Variants in SYNPR observed in about 807,000 individuals in gnomAD.
SYNPR encodes the protein synaptoporin.
In SYNPR, 23 loss-of-function variants were observed where a neutral mutation model predicts 32.9. The ratio of observed to expected loss-of-function variants is 0.70; its 90% CI spans 0.50 to 0.99. The LOEUF is 0.99. Among genes scored for constraint, SYNPR ranks in the 50% least tolerant of loss-of-function variants. The pLI is 0.00. For synonymous variants in SYNPR, 146 were observed against 135.9 expected (o/e 1.07, Z -0.52); for missense variants, 318 against 349.3 (o/e 0.91, Z 0.71).
chr3:63,360,507 T>C (rs898429869), intron 2 of SYNPR, among the ~76,000 whole-genome samples: 3 of 152,242 alleles, frequency 2.0e-5, no homozygotes, highest in Admixed American at 2.0e-4. Context: ...AATGACTTTC[T>C]ATTACGTTAA....
intron 2 of SYNPR, among the ~76,000 whole-genome samples, chr3:63,360,474 T>C (rs1236206439): frequency 6.6e-6 from 1 of 152,352 alleles, no homozygotes; most frequent in East Asian, 1.9e-4. Flanking sequence ...AATTAAAGCA[T>C]GTCTAGCCTT....
At chr3:63,434,601 A>C (rs1042621941) in intron 2 of SYNPR, among the ~76,000 whole-genome samples, 9 of 152,242 alleles carry the variant, frequency 5.9e-5, no homozygotes, top group Non-Finnish European at 1.0e-4. Context: ...TTATTACAGT[A>C]CTAACAAGAT....
chr3:63,293,822 C>G (rs1222306896), intron 2 of SYNPR, among the ~76,000 whole-genome samples: 1 of 151,858 alleles, frequency 6.6e-6, no homozygotes, highest in Non-Finnish European at 1.5e-5. Context: ...TTCCCTTTTT[C>G]TATGACGCCA....
chr3:63,458,829 C>T (rs892277406), intron 2 of SYNPR, among the ~76,000 whole-genome samples: 1 of 152,060 alleles, frequency 6.6e-6, no homozygotes, highest in Admixed American at 6.6e-5. Context: ...CAAAACAGGC[C>T]TAACTATTGT....
At chr3:63,236,180 G>T (rs1448095291) in intron 1 of SYNPR, among the ~76,000 whole-genome samples, 5 of 151,378 alleles carry the variant, frequency 3.3e-5, no homozygotes, top group African/African-American at 9.7e-5. Flanking sequence ...AAAATTTGTT[G>T]GGTCTTTTGT....
intron 2 of SYNPR, among the ~76,000 whole-genome samples, chr3:63,302,033 C>T (rs561454230): frequency 1.3e-5 from 2 of 152,132 alleles, no homozygotes; most frequent in East Asian, 1.9e-4. Context: ...AATAAATGGA[C>T]GTATGAATAA....
intron 2 of SYNPR, among the ~76,000 whole-genome samples, chr3:63,393,288 G>C (rs1318659161): frequency 6.6e-6 from 1 of 152,022 alleles, no homozygotes; most frequent in East Asian, 1.9e-4. Flanking sequence ...GTCTCATTGT[G>C]CATGTATGTG....
At chr3:63,499,920 C>CAA (rs1027379753) in intron 3 of SYNPR, among the ~76,000 whole-genome samples, 9 of 151,814 alleles carry the variant, frequency 5.9e-5, no homozygotes, top group East Asian at 1.9e-4. Flanking sequence ...CACACACACA[C>CAA]AAAAACTGTT....
chr3:63,245,710 A>AGAGT (rs1308553783), intron 1 of SYNPR, among the ~76,000 whole-genome samples: 96 of 44,240 alleles, frequency 2.2e-3, no homozygotes, highest in Middle Eastern at 0.01. Flanking sequence ...AGAGAGAGAG[A>AGAGT]GTGTGTGTGT....
intron 2 of SYNPR, among the ~76,000 whole-genome samples, chr3:63,466,456 T>TG (rs1384980795): frequency 6.6e-6 from 1 of 151,058 alleles, no homozygotes; most frequent in East Asian, 1.9e-4. Flanking sequence ...CAGGATTTGT[T>TG]TTTTTTTTTC....
At chr3:63,597,828 G>A (rs1418322843) in intron 4 of SYNPR, among the ~76,000 whole-genome samples, 1 of 152,168 alleles carries the variant, frequency 6.6e-6, no homozygotes, top group Non-Finnish European at 1.5e-5. Context: ...ATGAAATAAG[G>A]AAACAATCCC....
At chr3:63,490,493 C>T (rs575770815) in intron 3 of SYNPR, among the ~76,000 whole-genome samples, 13 of 152,106 alleles carry the variant, frequency 8.5e-5, no homozygotes, top group Middle Eastern at 3.4e-3. Flanking sequence ...TGGCTGCAGC[C>T]GTCCAAGGAA....
chr3:63,494,158 A>C (rs1403479738), intron 3 of SYNPR, among the ~76,000 whole-genome samples: 1 of 151,490 alleles, frequency 6.6e-6, no homozygotes, highest in South Asian at 2.1e-4. Flanking sequence ...TTATTTTCAA[A>C]TTTTCTATTA....
chr3:63,361,029 T>G (rs2087652659), intron 2 of SYNPR, among the ~76,000 whole-genome samples: 1 of 152,204 alleles, frequency 6.6e-6, no homozygotes, highest in East Asian at 1.9e-4. Context: ...AATATCGGAA[T>G]AAATTAATGA....
At chr3:63,399,617 T>C (rs1373647712) in intron 2 of SYNPR, among the ~76,000 whole-genome samples, 1 of 151,910 alleles carries the variant, frequency 6.6e-6, no homozygotes, top group Non-Finnish European at 1.5e-5. Flanking sequence ...CAAAATCACC[T>C]CCCAAAAGGG....
chr3:63,467,985 A>G (rs1430393431), intron 2 of SYNPR, among the ~76,000 whole-genome samples: 1 of 151,924 alleles, frequency 6.6e-6, no homozygotes, highest in African/African-American at 2.4e-5. Context: ...ACATCACCTG[A>G]GGTTGGGAGT....
At position 63,612,916 on chromosome 3, in the gene SYNPR, T is replaced by G. The variant is rs548996250; in HGVS notation, c.601-2308T>G. Among the ~76,000 whole-genome samples, 56 of 118,834 alleles carry G rather than the reference T, an allele frequency of 4.7e-4. 1 individual carries two copies. The South Asian group carries it at 0.017, about 37-fold the overall frequency. 78.0% of individuals were successfully genotyped at this position (118,834 alleles called of 152,430 possible). On this transcript the variant is annotated intron_variant, in intron 5 of 5. Transcript: ENST00000478300. ...TCCACTCCCCTCCTCTCCTCTCCTCTCTTCTCTTCTCCTCTCTTCTCCTCT... is the reference window on the plus strand; with the variant it reads ...TCCACTCCCCTCCTCTCCTCTCCTCGCTTCTCTTCTCCTCTCTTCTCCTCT...
At chr3:63,532,776 C>T (rs778857089) in intron 3 of SYNPR, among the ~76,000 whole-genome samples, 2 of 152,220 alleles carry the variant, frequency 1.3e-5, no homozygotes, top group Non-Finnish European at 2.9e-5. Context: ...CAAGGTTTTA[C>T]ATCCTTATGT....
chr3:63,248,919 T>G (rs1012637641), intron 1 of SYNPR, among the ~76,000 whole-genome samples: 8 of 151,348 alleles, frequency 5.3e-5, no homozygotes, highest in African/African-American at 1.9e-4. Context: ...GCATAATTGT[T>G]AGCTCTGTGT....
Sources: gnomAD v4.1 joint callset for allele counts (sites outside exome capture counted in the v4.1 genomes callset) on GRCh38, gnomAD v4.1.1 for gene constraint, MANE v1.5 for transcripts, NCBI Gene and HGNC (gene_info 2026-07-23, HGNC 2026-07-21) for gene names.